The following EMC2 variants were observed in gnomAD, a reference collection of about 807,000 sequenced individuals.
The protein encoded by EMC2 is ER membrane protein complex subunit 2.
A neutral mutation model predicts 51.6 loss-of-function variants in EMC2; 37 were observed. The ratio of observed to expected loss-of-function variants is 0.72; its 90% CI spans 0.55 to 0.94. The LOEUF (loss-of-function observed/expected upper bound fraction) is 0.94. EMC2 is among the 40% of genes least tolerant of loss of function. The pLI is 0.00. For missense variants in EMC2, 359 were observed against 350.9 expected (o/e 1.02, Z -0.18); for synonymous variants, 131 against 112.4 (o/e 1.17, Z -1.04).
chr8:108,469,007 G>T, intron 5 of EMC2, among the ~76,000 whole-genome samples: 1 of 151,906 alleles, frequency 6.6e-6, no homozygotes, highest in Middle Eastern at 3.4e-3. Flanking sequence ...TTTGCTTTCT[G>T]TCTTTCCAGT....
At chr8:108,474,242 C>T (rs2130397469) in intron 7 of EMC2, 1 of 151,938 alleles carries the variant, frequency 6.6e-6, no homozygotes, top group South Asian at 2.1e-4. Flanking sequence ...TTGTGCTCAA[C>T]CCATTTAAAT....
intron 7 of EMC2, among the ~76,000 whole-genome samples, chr8:108,473,235 T>C (rs1382798192): frequency 6.6e-6 from 1 of 152,082 alleles, no homozygotes; most frequent in Non-Finnish European, 1.5e-5. Flanking sequence ...TCTAAAGTTT[T>C]AAAACTACAG....
At chr8:108,475,205 C>T (rs561833607) in intron 7 of EMC2, 32 of 152,018 alleles carry the variant, frequency 2.1e-4, no homozygotes, top group African/African-American at 5.8e-4. Context: ...CAGTCACATG[C>T]TTTAAAATGT....
In EMC2 at chr8:108,487,718, T is replaced by C. The variant is rs1811168784; in HGVS notation, c.*1120T>C. 1.3e-5 allele frequency among the ~76,000 whole-genome samples: 2 copies of C among 152,172 alleles called. No homozygotes were observed. The highest frequency in any genetic ancestry group is 6.6e-5 in the Admixed American group (1 of 15,260). ...TGGACAAGTGGGGATTGTGGAGGAATTGACAATCTAGAAGTGTTTAGAAAG... is the reference window on the plus strand; with the variant it reads ...TGGACAAGTGGGGATTGTGGAGGAACTGACAATCTAGAAGTGTTTAGAAAG... On this transcript the variant is annotated 3_prime_UTR_variant, in exon 11 of 11. Transcript: ENST00000220853.
At chr8:108,478,972 G>T in intron 9 of EMC2, 34 bp from the exon 10 acceptor site, 1 of 1,306,448 alleles carries the variant, frequency 7.7e-7, no homozygotes, top group Non-Finnish European at 1.1e-6. Context: ...AGCAAAAAAG[G>T]AATTTTGCTT....
At chr8:108,454,530 C>T (rs1447410880) in intron 4 of EMC2, among the ~76,000 whole-genome samples, 2 of 152,042 alleles carry the variant, frequency 1.3e-5, no homozygotes, top group Admixed American at 6.5e-5. Context: ...TGTAACACTG[C>T]TTTCATTCAT....
chr8:108,476,986 G>A (rs1416278209), intron 9 of EMC2, 94 bp downstream of exon 9: 2 of 601,874 alleles, frequency 3.3e-6, no homozygotes, highest in Non-Finnish European at 6.0e-6. Flanking sequence ...CCTGTTTTTT[G>A]TATTTTATTG....
chr8:108,474,617 G>A (rs182544729), intron 7 of EMC2: 1 of 151,780 alleles, frequency 6.6e-6, no homozygotes, highest in African/African-American at 2.4e-5. Flanking sequence ...CTAAAATGCT[G>A]TAATTATTAG....
At chr8:108,467,317 C>T (rs957890875) in intron 5 of EMC2, among the ~76,000 whole-genome samples, 1 of 149,672 alleles carries the variant, frequency 6.7e-6, no homozygotes, top group Non-Finnish European at 1.5e-5. Flanking sequence ...TTTAGATATG[C>T]TTTGAATTAT....
intron 7 of EMC2, among the ~76,000 whole-genome samples, chr8:108,473,082 G>T (rs1172254239): frequency 6.6e-6 from 1 of 151,836 alleles, no homozygotes; most frequent in African/African-American, 2.4e-5. Context: ...TGTTTCTATA[G>T]AGAGAAAAAG....
At chr8:108,453,194 G>A (rs1819070688) in intron 4 of EMC2, 47 bp downstream of exon 4, 3 of 1,155,356 alleles carry the variant, frequency 2.6e-6, no homozygotes, top group Non-Finnish European at 3.7e-6. Context: ...GTTAATCATG[G>A]TGGTGTTAAT....
In EMC2 at chr8:108,469,865, G is replaced by A. The variant is rs1810817290; in HGVS notation, c.403G>A (p.Gly135Arg). ...TAAGATTGCCATTCGAAAAGCCCAG[G>A]GGAAAAATGTGGAGGCCATTCGGGA... ...KRKIAIRKAQ[G>R]KNVEAIRELN... is the part of the protein sequence containing the mutation. The change falls in exon 6 of 11, where the codon GGG becomes AGG. Residue 135 changes from glycine to arginine, a missense_variant. Coordinates refer to ENST00000220853, the MANE Select transcript of EMC2 (RefSeq NM_014673.5). 1 of 1,613,556 alleles carries A rather than the reference G, an allele frequency of 6.2e-7. No individual in the cohort carries two copies. Among genetic ancestry groups the A allele is most frequent in the East Asian group, 2.2e-5 (1 of 44,870 alleles).
intron 5 of EMC2, among the ~76,000 whole-genome samples, chr8:108,465,441 A>G (rs1440927398): frequency 6.6e-6 from 1 of 152,226 alleles, no homozygotes; most frequent in Non-Finnish European, 1.5e-5. Context: ...TATTTAACAC[A>G]TGTCACTTAA....
In EMC2 at chr8:108,486,546, C is replaced by G. The variant is rs1243054409; in HGVS notation, c.842C>G (p.Ser281Cys). Residue 281 changes from serine to cysteine, a missense_variant, in exon 11 of 11, where the codon TCT becomes TGT. Coordinates refer to ENST00000220853, the MANE Select transcript of EMC2 (RefSeq NM_014673.5). Reference sequence around the variant, plus strand: ...CGAAGTAAGAAGGAAACCAAATATTCTCTTAAGGCTGTCGAAGACATGTTG... The same window carrying G: ...CGAAGTAAGAAGGAAACCAAATATTGTCTTAAGGCTGTCGAAGACATGTTG... ...AGRSKKETKY[S>C]LKAVEDMLET... 13 of 1,523,600 alleles carry G rather than the reference C, an allele frequency of 8.5e-6. No individual in the cohort carries two copies. The highest frequency in any genetic ancestry group is 8.0e-6 in the Non-Finnish European group (9 of 1,130,496). The allele number at this position is 1,523,600 out of a possible 1,614,324, so 94.4% of individuals were successfully genotyped here. A position where few individuals can be genotyped will look rare whatever the true frequency, so the allele number is the denominator to read the frequency against.
intron 10 of EMC2, among the ~76,000 whole-genome samples, chr8:108,479,850 G>A (rs1041877613): frequency 6.6e-6 from 1 of 152,052 alleles, no homozygotes; most frequent in Non-Finnish European, 1.5e-5. Context: ...TCTTACCTCA[G>A]CCTCCTAAGT....
chr8:108,460,087 T>C (rs1819279980), intron 5 of EMC2, among the ~76,000 whole-genome samples: 1 of 152,196 alleles, frequency 6.6e-6, no homozygotes, highest in South Asian at 2.1e-4. Flanking sequence ...AAGATACTCA[T>C]TTTTCTCTTA....
chr8:108,471,785 G>A (rs908295864), intron 7 of EMC2, among the ~76,000 whole-genome samples: 2 of 151,710 alleles, frequency 1.3e-5, no homozygotes, highest in African/African-American at 4.8e-5. Flanking sequence ...GTTTCCTTGG[G>A]TTAAATTCTT....
At chr8:108,478,426 T>C (rs190881969) in intron 9 of EMC2, among the ~76,000 whole-genome samples, 1 of 152,174 alleles carries the variant, frequency 6.6e-6, no homozygotes, top group Admixed American at 6.6e-5. Flanking sequence ...ACTCATGGTA[T>C]AGTGAAAAGA....
In EMC2 at chr8:108,479,146, G is replaced by T. The variant is rs766285857; in HGVS notation, c.807+36G>T. ...ATTGATCATTTTGCTATGTAGGTCA[G>T]TTAATGTATTTCTTAGTTTTGTTAC... On this transcript the variant is annotated intron_variant, in intron 10 of 10. Transcript: ENST00000220853. 4 of 1,230,168 alleles carry T rather than the reference G, an allele frequency of 3.3e-6. No homozygotes were observed. In the South Asian group the frequency reaches 6.3e-5, roughly 20 times the overall value. The allele number at this position is 1,230,168 out of a possible 1,614,324, so 76.2% of individuals were successfully genotyped here.
Sources: gnomAD v4.1 joint callset for allele counts (sites outside exome capture counted in the v4.1 genomes callset) on GRCh38, gnomAD v4.1.1 for gene constraint, MANE v1.5 for transcripts, NCBI Gene and HGNC (gene_info 2026-07-23, HGNC 2026-07-21) for gene names.